MAMDC2: variants seen among roughly 807,000 people sequenced by gnomAD.
MAMDC2 encodes MAM domain-containing protein 2.
A neutral mutation model predicts 89.8 loss-of-function variants in MAMDC2; 57 were observed. The ratio of observed to expected loss-of-function variants is 0.63; its 90% CI spans 0.51 to 0.79. The LOEUF is 0.79. Ranked by LOEUF, MAMDC2 falls within the 30% of genes least tolerant of loss-of-function variation. The probability of loss-of-function intolerance (pLI) is 0.00; values close to 1 mark genes in which losing one functional copy is unlikely to be tolerated. For missense variants in MAMDC2, 800 were observed against 820.6 expected (o/e 0.97, Z 0.31); for synonymous variants, 313 against 293.4 (o/e 1.07, Z -0.68).
At chr9:70,052,304 A>G (rs945088612) in intron 2 of MAMDC2, among the ~76,000 whole-genome samples, 1 of 152,186 alleles carries the variant, frequency 6.6e-6, no homozygotes, top group African/African-American at 2.4e-5. Context: ...GTTTGCTCCA[A>G]ATTACATTTC....
chr9:70,180,230 A>G (rs2032611328), intron 11 of MAMDC2, among the ~76,000 whole-genome samples: 1 of 152,134 alleles, frequency 6.6e-6, no homozygotes, highest in Non-Finnish European at 1.5e-5. Flanking sequence ...TTCATGGGGT[A>G]TATGTGCCAC....
chr9:70,214,859 G>T (rs557797272), intron 11 of MAMDC2, among the ~76,000 whole-genome samples: 7 of 152,152 alleles, frequency 4.6e-5, no homozygotes, highest in African/African-American at 7.2e-5. Flanking sequence ...GGGTGTCAAC[G>T]ACTGGATATT....
intron 5 of MAMDC2, among the ~76,000 whole-genome samples, chr9:70,124,434 T>C (rs1326931585): frequency 2.0e-5 from 3 of 152,202 alleles, no homozygotes; most frequent in Non-Finnish European, 4.4e-5. Context: ...GTAAACTATA[T>C]TCAAAGAAGA....
intron 2 of MAMDC2, chr9:70,088,787 T>C (rs1489917319): frequency 6.6e-6 from 1 of 152,014 alleles, no homozygotes; most frequent in Non-Finnish European, 1.5e-5. Flanking sequence ...ATTAGTACCA[T>C]TGGTGCACAG....
chr9:70,137,820 T>C (rs1227978698), intron 7 of MAMDC2, among the ~76,000 whole-genome samples: 4 of 152,122 alleles, frequency 2.6e-5, no homozygotes, highest in African/African-American at 9.7e-5. Context: ...TACAGTCACA[T>C]CCCCTCTGTT....
In MAMDC2 at chr9:70,218,451, T is replaced by C; in HGVS notation, c.1766T>C (p.Met589Thr). The C allele has an allele frequency of 1.9e-6, 3 of 1,614,122 alleles. No individual in the cohort carries two copies. Among genetic ancestry groups the C allele is most frequent in the Admixed American group, 1.7e-5 (1 of 60,022 alleles). The stretch of plus-strand genomic sequence containing the variant: ...CACTGCTTGACCTTTTTCTACCACA[T>C]GTATGGAGGGGGCACTGGCCTGCTG... ...GKHCLTFFYH[M>T]YGGGTGLLSV... Residue 589 changes from methionine to threonine, a missense_variant, in exon 12 of 14, where the codon ATG becomes ACG. By Grantham distance (81) the Met-to-Thr change is moderately conservative. Transcript: ENST00000377182.
At chr9:70,109,620 T>C (rs1828444262) in intron 3 of MAMDC2, 100 bp from the exon 4 acceptor site, 2 of 929,590 alleles carry the variant, frequency 2.2e-6, no homozygotes, top group Non-Finnish European at 1.7e-6. Flanking sequence ...CTGTTTTGCC[T>C]TAAGTGGCTG....
chr9:70,119,631 G>A (rs954153278), intron 5 of MAMDC2, among the ~76,000 whole-genome samples: 2 of 152,200 alleles, frequency 1.3e-5, no homozygotes, highest in African/African-American at 4.8e-5. Context: ...ATTAGATGCA[G>A]TCAAGTCACA....
chr9:70,161,953 G>T (rs2118494124), intron 9 of MAMDC2, among the ~76,000 whole-genome samples: 1 of 152,334 alleles, frequency 6.6e-6, no homozygotes. Flanking sequence ...CTGGGAAATT[G>T]TTGAGGTCTA....
chr9:70,214,857 A>G (rs945858312), intron 11 of MAMDC2, among the ~76,000 whole-genome samples: 3 of 152,326 alleles, frequency 2.0e-5, no homozygotes, highest in Middle Eastern at 6.8e-3. Context: ...TTGGGTGTCA[A>G]CGACTGGATA....
At chr9:70,073,778 G>A (rs1443877350) in intron 2 of MAMDC2, among the ~76,000 whole-genome samples, 1 of 152,126 alleles carries the variant, frequency 6.6e-6, no homozygotes, top group African/African-American at 2.4e-5. Flanking sequence ...TCCTGGCCTG[G>A]CCACAAGCCC....
intron 2 of MAMDC2, among the ~76,000 whole-genome samples, chr9:70,073,951 A>G (rs1827468758): frequency 6.6e-6 from 1 of 151,820 alleles, no homozygotes; most frequent in Non-Finnish European, 1.5e-5. Flanking sequence ...TGTTTCTTAA[A>G]CTCTTGGGGT....
intron 11 of MAMDC2, among the ~76,000 whole-genome samples, chr9:70,195,435 G>A (rs1045739493): frequency 6.6e-6 from 1 of 152,084 alleles, no homozygotes; most frequent in East Asian, 1.9e-4. Context: ...TGACATAGAT[G>A]CTACTTACAG....
intron 8 of MAMDC2, 52 bp downstream of exon 8, chr9:70,140,340 A>G (rs754669150): frequency 1.3e-6 from 2 of 1,523,060 alleles, no homozygotes; most frequent in South Asian, 2.7e-5. Flanking sequence ...CGTGAGCTTT[A>G]TTGGCCATTC....
At chr9:70,098,935 A>G (rs775561719) in intron 2 of MAMDC2, among the ~76,000 whole-genome samples, 1 of 152,180 alleles carries the variant, frequency 6.6e-6, no homozygotes, top group Non-Finnish European at 1.5e-5. Context: ...AATGTTAGTC[A>G]TTTTTGAATC....
intron 5 of MAMDC2, among the ~76,000 whole-genome samples, chr9:70,120,583 G>T (rs979284679): frequency 6.6e-6 from 1 of 152,162 alleles, no homozygotes; most frequent in African/African-American, 2.4e-5. Context: ...CATATGCACA[G>T]GCTACAAGGG....
At chr9:70,117,597 A>G (rs533119946) in intron 5 of MAMDC2, among the ~76,000 whole-genome samples, 119 of 152,292 alleles carry the variant, frequency 7.8e-4, no homozygotes, top group African/African-American at 2.6e-3. Context: ...CCCAGAATTT[A>G]AAGTATAATT....
Position 70,226,540 on chromosome 9 carries a change from GTTTTATTCATAGAAATGGAGTATTAAT to G in MAMDC2, c.*514_*540del, listed in dbSNP as rs1217364785. 1 of 152,432 alleles carries G rather than the reference GTTTTATTCATAGAAATGGAGTATTAAT, an allele frequency of 6.6e-6. No homozygotes were observed. Among genetic ancestry groups the G allele is most frequent in the Non-Finnish European group, 1.5e-5 (1 of 67,944 alleles). The allele number at this position is 152,432 out of a possible 1,614,324, so 9.4% of individuals were successfully genotyped here. ...GGAAAAATAAAGTCTTATTTTCTATGTTTTATTCATAGAAATGGAGTATTAATTTTTAATATTTTCACCATATGTGAT... is the reference window on the plus strand; with the variant it reads ...GGAAAAATAAAGTCTTATTTTCTATGTTTTAATATTTTCACCATATGTGAT... On this transcript the variant is annotated 3_prime_UTR_variant, in exon 14 of 14. Coordinates refer to ENST00000377182, the MANE Select transcript of MAMDC2 (RefSeq NM_153267.5).
At chr9:70,099,173 T>C (rs1040660833) in intron 2 of MAMDC2, among the ~76,000 whole-genome samples, 3 of 152,182 alleles carry the variant, frequency 2.0e-5, no homozygotes, top group African/African-American at 7.2e-5. Context: ...AATCAGTAGA[T>C]TTATAAATCA....
Sources: gnomAD v4.1 joint callset for allele counts (sites outside exome capture counted in the v4.1 genomes callset) on GRCh38, gnomAD v4.1.1 for gene constraint, MANE v1.5 for transcripts, NCBI Gene and HGNC (gene_info 2026-07-23, HGNC 2026-07-21) for gene names.